Variants in TMEM164 observed in about 807,000 individuals in gnomAD.
TMEM164 encodes RP13-360B22.2.
Under a neutral mutation model 18.8 loss-of-function variants are expected in TMEM164, and 4 were observed. The observed-to-expected ratio is 0.21, with a 90% CI of 0.10 to 0.49. The LOEUF (loss-of-function observed/expected upper bound fraction) is 0.49. TMEM164 is among the 20% of genes least tolerant of loss of function. The pLI is 0.98. For synonymous variants in TMEM164, 86 were observed against 101.7 expected (o/e 0.85, Z 0.93); for missense variants, 108 against 239.9 (o/e 0.45, Z 3.63).
chrX:110,105,750 T>TGAGAGAGAGAGAGAGAGA, intron 3 of TMEM164, among the ~76,000 whole-genome samples: 1 of 72,173 alleles, frequency 1.4e-5, no homozygotes, highest in East Asian at 4.8e-4. Context: ...AGAGAGAGAA[T>TGAGAGAGAGAGAGAGAGA]GAGAGAGAGA....
intron 5 of TMEM164, among the ~76,000 whole-genome samples, chrX:110,164,523 G>A (rs760882396): frequency 3.6e-5 from 4 of 111,330 alleles, no homozygotes; most frequent in Non-Finnish European, 5.7e-5. Flanking sequence ...AAGGTCTCAG[G>A]CACGACCATG....
At chrX:110,007,951 G>A (rs1391843348) in intron 2 of TMEM164, among the ~76,000 whole-genome samples, 1 of 112,337 alleles carries the variant, frequency 8.9e-6, no homozygotes, top group Non-Finnish European at 1.9e-5. Flanking sequence ...AAGGCAGGCT[G>A]TATCCAGGCT....
At chrX:110,121,567 A>G (rs1490653480) in intron 4 of TMEM164, among the ~76,000 whole-genome samples, 1 of 112,227 alleles carries the variant, frequency 8.9e-6, no homozygotes, top group African/African-American at 3.2e-5. Context: ...ATTCCTTTGT[A>G]TTATATATCA....
At chrX:110,015,781 C>T (rs192848463) in intron 2 of TMEM164, among the ~76,000 whole-genome samples, 20 of 111,889 alleles carry the variant, frequency 1.8e-4, no homozygotes, top group African/African-American at 6.5e-5. Flanking sequence ...GGAAAGGGAC[C>T]GCCTCTACAT....
At chrX:110,061,505 T>C (rs1221001566) in intron 2 of TMEM164, among the ~76,000 whole-genome samples, 3 of 112,225 alleles carry the variant, frequency 2.7e-5, no homozygotes, top group African/African-American at 9.7e-5. Context: ...ATTTATGGGC[T>C]TGGATGTAGA....
rs1366097153 is a variant in TMEM164, at chrX:110,085,339, AT to A, written c.440+17944del. Reference sequence around the variant, plus strand: ...CCATGCTTGGCTAATTAAAAAAAATATATATATATATATATTAAAACAGGGT... The same window carrying A: ...CCATGCTTGGCTAATTAAAAAAAATAATATATATATATATTAAAACAGGGT... On this transcript the variant is annotated intron_variant, in intron 3 of 6. Coordinates refer to ENST00000372068, the MANE Select transcript of TMEM164 (RefSeq NM_032227.4). Among the ~76,000 whole-genome samples the A allele has an allele frequency of 5.0e-4, 19 of 37,680 alleles. No individual in the cohort carries two copies. In the African/African-American group the frequency reaches 7.9e-3, roughly 16 times the overall value. The allele number at this position is 37,680 out of a possible 115,157, so 32.7% of individuals were successfully genotyped here. A position where few individuals can be genotyped will look rare whatever the true frequency, so the allele number is the denominator to read the frequency against.
chrX:110,120,701 C>T (rs1411702954), intron 4 of TMEM164, among the ~76,000 whole-genome samples: 1 of 111,590 alleles, frequency 9.0e-6, no homozygotes, highest in Non-Finnish European at 1.9e-5. Context: ...ATAACTTATT[C>T]CTTCGATCTA....
chrX:110,159,355 C>T (rs1044579901), intron 5 of TMEM164, among the ~76,000 whole-genome samples: 4 of 110,570 alleles, frequency 3.6e-5, no homozygotes, highest in Admixed American at 1.9e-4. Flanking sequence ...TCACAGGTCA[C>T]GAGGAGGTCT....
chrX:110,050,123 A>C (rs745898214), intron 2 of TMEM164, among the ~76,000 whole-genome samples: 5 of 111,765 alleles, frequency 4.5e-5, no homozygotes, highest in Admixed American at 9.4e-5. Context: ...CCCTTCTTTT[A>C]TGTCACTCTG....
At chrX:110,145,540 T>G (rs1157621255) in intron 5 of TMEM164, among the ~76,000 whole-genome samples, 1 of 111,766 alleles carries the variant, frequency 8.9e-6, no homozygotes, top group Non-Finnish European at 1.9e-5. Context: ...CTAGGCTTGT[T>G]GTGAGAGCCA....
At chrX:110,138,526 T>C (rs1602691647) in intron 4 of TMEM164, among the ~76,000 whole-genome samples, 1 of 111,391 alleles carries the variant, frequency 9.0e-6, no homozygotes, top group African/African-American at 3.3e-5. Flanking sequence ...GAATTGGTTC[T>C]TGGCCCCTGT....
At chrX:110,089,423 C>G (rs1458894233) in intron 3 of TMEM164, among the ~76,000 whole-genome samples, 1 of 111,311 alleles carries the variant, frequency 9.0e-6, no homozygotes, top group African/African-American at 3.3e-5. Flanking sequence ...TCTTGAACTC[C>G]TGACCTCATG....
At chrX:110,135,268 A>G (rs1456610430) in intron 4 of TMEM164, among the ~76,000 whole-genome samples, 1 of 110,819 alleles carries the variant, frequency 9.0e-6, no homozygotes, top group Non-Finnish European at 1.9e-5. Context: ...CTTATACAAT[A>G]TAGACTTGCT....
At chrX:110,182,980 T>C (rs1167709456), downstream of TMEM164, among the ~76,000 whole-genome samples, 1 of 112,197 alleles carries the variant, frequency 8.9e-6, no homozygotes, top group Non-Finnish European at 1.9e-5. Context: ...TAGCAAGACA[T>C]GATCAGCCTG....
rs1055116979 is a variant in TMEM164 at position 110,076,564 on chromosome X, G to T, written c.440+9168G>T. On this transcript the variant is annotated intron_variant, in intron 3 of 6. Transcript: ENST00000372068. ...GTTCCTCTAGACACAACTTCAGCTT[G>T]TTAATTTGAGTTCTTTCTAACTTCT... Among the ~76,000 whole-genome samples, 4 of 110,944 alleles carry T rather than the reference G, an allele frequency of 3.6e-5. No homozygotes were observed. In the South Asian group the frequency reaches 1.5e-3, roughly 41 times the overall value.
intron 4 of TMEM164, among the ~76,000 whole-genome samples, chrX:110,118,670 G>T (rs991367691): frequency 2.7e-5 from 3 of 111,225 alleles, no homozygotes; most frequent in Non-Finnish European, 5.6e-5. Flanking sequence ...CACACATGTG[G>T]CTAGTGTCCT....
chrX:110,146,079 A>G (rs1041843069), intron 5 of TMEM164, among the ~76,000 whole-genome samples: 2 of 112,593 alleles, frequency 1.8e-5, no homozygotes, highest in South Asian at 3.6e-4. Flanking sequence ...TGAAGTTCCA[A>G]TATCCAGGAG....
chrX:110,080,642 A>G (rs2065739577), intron 3 of TMEM164, among the ~76,000 whole-genome samples: 1 of 112,238 alleles, frequency 8.9e-6, no homozygotes, highest in Non-Finnish European at 1.9e-5. Flanking sequence ...TATACCTTAT[A>G]TTACCTTTGA....
chrX:110,150,179 TCCCTG>T (rs1176524933), intron 5 of TMEM164, among the ~76,000 whole-genome samples: 2 of 112,225 alleles, frequency 1.8e-5, no homozygotes, highest in East Asian at 5.6e-4. Context: ...GGAGGAGAGT[TCCCTG>T]AGGAAATGAC....
Sources: allele counts gnomAD v4.1 joint callset (sites outside exome capture counted in the v4.1 genomes callset), GRCh38; gene constraint gnomAD v4.1.1; transcripts MANE v1.5; gene names NCBI Gene and HGNC (gene_info 2026-07-23, HGNC 2026-07-21).